The following ANKFN1 variants were observed in gnomAD, a reference collection of about 807,000 sequenced individuals.
ANKFN1 encodes ankyrin repeat and fibronectin type III domain containing 1.
A neutral mutation model predicts 108.7 loss-of-function variants in ANKFN1; 74 were observed. The observed-to-expected ratio is 0.68, with a 90% confidence interval of 0.56 to 0.83. The LOEUF is 0.83. Among genes scored for constraint, ANKFN1 ranks in the 40% least tolerant of loss-of-function variants. The pLI is 0.00. For missense variants in ANKFN1, 1,505 were observed against 1,382.3 expected, an observed-to-expected ratio of 1.09 and a Z score of -1.41; for synonymous variants, 547 against 516.2, an observed-to-expected ratio of 1.06 and a Z score of -0.81.
chr17:56,459,696 T>C (rs1418833475), intron 14 of ANKFN1, among the ~76,000 whole-genome samples: 1 of 152,170 alleles, frequency 6.6e-6, no homozygotes, highest in Non-Finnish European at 1.5e-5. Context: ...CTTTATTATG[T>C]GTTTATTGGA....
chr17:56,401,202 G>A (rs1054964152), intron 8 of ANKFN1, among the ~76,000 whole-genome samples: 2 of 151,968 alleles, frequency 1.3e-5, no homozygotes, highest in Non-Finnish European at 2.9e-5. Context: ...CACGATATTG[G>A]TTCTACCCAT....
intron 1 of ANKFN1, among the ~76,000 whole-genome samples, chr17:56,161,091 G>C (rs1327277886): frequency 2.6e-5 from 4 of 152,192 alleles, no homozygotes; most frequent in Non-Finnish European, 5.9e-5. Context: ...AAGGTTGCTG[G>C]AGAGTTTCCT....
In ANKFN1 at chr17:56,161,132, T is replaced by C. The variant is rs543966004; in HGVS notation, c.-71+7602T>C. On this transcript the variant is annotated intron_variant, in intron 1 of 20. Coordinates refer to ENST00000682825, the MANE Select transcript of ANKFN1 (RefSeq NM_001370326.1). The stretch of plus-strand genomic sequence containing the variant: ...CATTCAACCTCGGTTTCCTCCTCTG[T>C]AAAATAAAGATTGTAATAGTATCGA... Among the ~76,000 whole-genome samples the C allele has an allele frequency of 1.8e-3, 277 of 152,330 alleles. 1 individual carries two copies. Among genetic ancestry groups the C allele is most frequent in the African/African-American group, 4.4e-3 (183 of 41,586 alleles).
chr17:56,310,106 T>C (rs903669462), intron 3 of ANKFN1, among the ~76,000 whole-genome samples: 4 of 149,510 alleles, frequency 2.7e-5, no homozygotes, highest in African/African-American at 1.0e-4. Context: ...GTATACCACA[T>C]GGATACGCTG....
intron 4 of ANKFN1, among the ~76,000 whole-genome samples, chr17:56,097,179 T>A (rs1598094278): frequency 6.6e-6 from 1 of 152,226 alleles, no homozygotes; most frequent in East Asian, 1.9e-4. Context: ...CACACCAAAC[T>A]CCTATGACAT....
chr17:56,178,332 G>T (rs753371216), intron 1 of ANKFN1, among the ~76,000 whole-genome samples: 1 of 152,118 alleles, frequency 6.6e-6, no homozygotes, highest in Admixed American at 6.5e-5. Context: ...AATATGCCCC[G>T]CTATAAATCA....
At chr17:56,425,390 G>A (rs1053628829) in intron 8 of ANKFN1, among the ~76,000 whole-genome samples, 3 of 152,104 alleles carry the variant, frequency 2.0e-5, no homozygotes, top group Non-Finnish European at 2.9e-5. Context: ...TTTAACTACA[G>A]CATTGACTCT....
At chr17:56,061,273 T>TTC (rs1249843227) in intron 4 of ANKFN1, among the ~76,000 whole-genome samples, 14 of 132,736 alleles carry the variant, frequency 1.1e-4, no homozygotes, top group Admixed American at 2.2e-4. Context: ...TTCTTTTTTT[T>TTC]TTTTTTTTTT....
chr17:56,275,915 GGTTT>G (rs2043918249), intron 3 of ANKFN1, among the ~76,000 whole-genome samples: 1 of 152,082 alleles, frequency 6.6e-6, no homozygotes, highest in Non-Finnish European at 1.5e-5. Context: ...ACAACATACA[GGTTT>G]GTTACATAGG....
At chr17:56,165,040 C>T (rs969249544) in intron 1 of ANKFN1, among the ~76,000 whole-genome samples, 1 of 152,204 alleles carries the variant, frequency 6.6e-6, no homozygotes, top group Non-Finnish European at 1.5e-5. Flanking sequence ...ACCTAATTTG[C>T]TTTTCATCCT....
At position 56,382,847 on chromosome 17, in the gene ANKFN1, C is replaced by T. The variant is rs183928856; in HGVS notation, c.910+8133C>T. On this transcript the variant is annotated intron_variant, in intron 8 of 20. Transcript: ENST00000682825. ...CATAAAGCAAGTCCTGAGTGACCTA[C>T]AAAGAGACTTAGACTCCCACACAAT... Among the ~76,000 whole-genome samples, 88 of 152,224 alleles carry T rather than the reference C, an allele frequency of 5.8e-4. 1 individual carries two copies. The highest frequency in any genetic ancestry group is 8.8e-4 in the Non-Finnish European group (60 of 68,010).
chr17:56,079,607 T>G (rs989917579), intron 4 of ANKFN1, among the ~76,000 whole-genome samples: 4 of 152,152 alleles, frequency 2.6e-5, no homozygotes, highest in African/African-American at 9.7e-5. Context: ...AGATTAGACA[T>G]TGTCTAAGAC....
At chr17:56,470,258 C>T (rs2050271181) in intron 15 of ANKFN1, among the ~76,000 whole-genome samples, 1 of 152,120 alleles carries the variant, frequency 6.6e-6, no homozygotes, top group Non-Finnish European at 1.5e-5. Context: ...TACGTGTGCA[C>T]ATGTCTTTAT....
chr17:56,160,076 C>T (rs956112041), intron 1 of ANKFN1, among the ~76,000 whole-genome samples: 1 of 152,106 alleles, frequency 6.6e-6, no homozygotes, highest in African/African-American at 2.4e-5. Context: ...TTTGCAGACA[C>T]AGATGGAGCA....
intron 1 of ANKFN1, among the ~76,000 whole-genome samples, chr17:56,166,520 T>G (rs1910141872): frequency 6.6e-6 from 1 of 152,176 alleles, no homozygotes; most frequent in Admixed American, 6.5e-5. Flanking sequence ...CATTCCACAA[T>G]TCTACAGTCT....
At chr17:56,161,724 G>A (rs958441275) in intron 1 of ANKFN1, among the ~76,000 whole-genome samples, 1 of 151,188 alleles carries the variant, frequency 6.6e-6, no homozygotes, top group Non-Finnish European at 1.5e-5. Flanking sequence ...ACAAGGAAAA[G>A]ATTTTACATT....
chr17:56,394,759 T>C (rs941513522), intron 8 of ANKFN1, among the ~76,000 whole-genome samples: 2 of 152,198 alleles, frequency 1.3e-5, no homozygotes, highest in Non-Finnish European at 2.9e-5. Context: ...GACACGCAGC[T>C]GGCACTGGAG....
chr17:56,212,772 G>C (rs533957104), intron 2 of ANKFN1, among the ~76,000 whole-genome samples, 93 bp downstream of exon 2: 9 of 152,280 alleles, frequency 5.9e-5, no homozygotes, highest in African/African-American at 1.9e-4. Context: ...TAGTTCCAGT[G>C]CCTAGCACTA....
chr17:56,381,045 G>A (rs564091713), intron 8 of ANKFN1, among the ~76,000 whole-genome samples: 13 of 152,316 alleles, frequency 8.5e-5, no homozygotes, highest in African/African-American at 2.4e-4. Context: ...CCCCAGTAGC[G>A]GCAGACTGAC....
Sources: gnomAD v4.1 joint callset for allele counts (sites outside exome capture counted in the v4.1 genomes callset) on GRCh38, gnomAD v4.1.1 for gene constraint, MANE v1.5 for transcripts, NCBI Gene and HGNC (gene_info 2026-07-23, HGNC 2026-07-21) for gene names.